The following FHIT variants were observed in gnomAD, a reference collection of about 807,000 sequenced individuals.
FHIT encodes bis(5'-adenosyl)-triphosphatase.
FHIT carries 19 observed loss-of-function variants against 17.9 expected under a neutral mutation model. The ratio of observed to expected loss-of-function variants is 1.06; its 90% CI spans 0.74 to 1.56. The LOEUF is 1.56. FHIT is among the 40% of genes most tolerant of loss of function. FHIT has a pLI of 0.00. For synonymous variants in FHIT, 81 were observed against 69.7 expected, an observed-to-expected ratio of 1.16 and a Z score of -0.81; for missense variants, 248 against 189.2, an observed-to-expected ratio of 1.31 and a Z score of -1.82.
chr3:59,896,897 T>C (rs1704096317), intron 8 of FHIT, among the ~76,000 whole-genome samples: 1 of 152,124 alleles, frequency 6.6e-6, no homozygotes, highest in East Asian at 1.9e-4. Context: ...CCACGTGATA[T>C]ATCTGAATGC....
intron 8 of FHIT, among the ~76,000 whole-genome samples, chr3:59,920,980 T>G (rs1464295625): frequency 2.0e-5 from 3 of 152,138 alleles, no homozygotes; most frequent in African/African-American, 7.2e-5. Flanking sequence ...TGCTGTGCAA[T>G]CTACTTGATC....
chr3:60,331,568 C>A (rs9809877), intron 5 of FHIT, among the ~76,000 whole-genome samples: 6,015 of 152,170 alleles, frequency 0.04, 396 homozygotes, highest in African/African-American at 0.14. Flanking sequence ...ATACTCGGTC[C>A]GGGTATGGTG....
intron 4 of FHIT, among the ~76,000 whole-genome samples, chr3:60,777,004 C>T (rs1394327506): frequency 7.2e-5 from 11 of 152,124 alleles, no homozygotes; most frequent in Admixed American, 6.6e-4. Flanking sequence ...AAAAGCATAA[C>T]GAGGTTTTCC....
chr3:60,378,603 C>A (rs1469928393), intron 5 of FHIT, among the ~76,000 whole-genome samples: 2 of 152,156 alleles, frequency 1.3e-5, no homozygotes, highest in Non-Finnish European at 2.9e-5. Flanking sequence ...AAGGAAGTAT[C>A]TTTCAAAAGT....
At chr3:60,367,278 G>C (rs1488613245) in intron 5 of FHIT, among the ~76,000 whole-genome samples, 2 of 152,160 alleles carry the variant, frequency 1.3e-5, no homozygotes, top group Non-Finnish European at 2.9e-5. Context: ...AATTATCCCA[G>C]GGTCTATTTC....
chr3:59,941,053 G>C (rs1706491174), intron 7 of FHIT, among the ~76,000 whole-genome samples: 1 of 152,130 alleles, frequency 6.6e-6, no homozygotes, highest in East Asian at 1.9e-4. Context: ...GCACCCAATA[G>C]GTATGTGTTA....
chr3:60,877,966 G>A (rs1553756894), intron 3 of FHIT, among the ~76,000 whole-genome samples: 1 of 152,034 alleles, frequency 6.6e-6, no homozygotes. Flanking sequence ...CCATTCCAAG[G>A]TCTAAATTTA....
chr3:59,756,656 G>A (rs889494607), intron 8 of FHIT, among the ~76,000 whole-genome samples: 32 of 152,154 alleles, frequency 2.1e-4, no homozygotes, highest in Non-Finnish European at 5.9e-5. Flanking sequence ...TTAAAAAGGT[G>A]TCACAGGAAG....
chr3:60,465,452 G>T (rs1222857877), intron 5 of FHIT, among the ~76,000 whole-genome samples: 1 of 152,036 alleles, frequency 6.6e-6, no homozygotes, highest in Non-Finnish European at 1.5e-5. Context: ...TATTACTCAA[G>T]AAATCTTTGC....
intron 8 of FHIT, among the ~76,000 whole-genome samples, chr3:59,852,785 T>A (rs1203957291): frequency 6.6e-6 from 1 of 152,176 alleles, no homozygotes; most frequent in Non-Finnish European, 1.5e-5. Context: ...GCATGCAGCC[T>A]CTTTAGGTAG....
intron 5 of FHIT, among the ~76,000 whole-genome samples, chr3:60,072,913 C>A (rs1465534656): frequency 6.6e-6 from 1 of 152,132 alleles, no homozygotes. Flanking sequence ...TTCTCTGGAC[C>A]CCACACCCAA....
intron 5 of FHIT, among the ~76,000 whole-genome samples, chr3:60,497,184 C>A (rs1242196338): frequency 1.3e-5 from 2 of 151,908 alleles, no homozygotes; most frequent in African/African-American, 4.9e-5. Context: ...GTGCACAGGA[C>A]AGCCCCCACA....
chr3:59,888,522 C>T (rs56414037), intron 8 of FHIT, among the ~76,000 whole-genome samples: 4,358 of 152,252 alleles, frequency 0.029, 81 homozygotes, highest in South Asian at 0.078. Context: ...ATATATTATT[C>T]ACTGGTATAT....
chr3:60,292,762 T>C (rs1025574809), intron 5 of FHIT, among the ~76,000 whole-genome samples: 5 of 152,138 alleles, frequency 3.3e-5, no homozygotes, highest in Non-Finnish European at 7.4e-5. Context: ...AAAAGCTTTC[T>C]ATGAAGAAAA....
chr3:59,848,474 G>A (rs1461995373), intron 8 of FHIT, among the ~76,000 whole-genome samples: 1 of 151,766 alleles, frequency 6.6e-6, no homozygotes, highest in Non-Finnish European at 1.5e-5. Flanking sequence ...AGCTCTTTGG[G>A]GATTTTTGAG....
chr3:60,183,943 G>GTT (rs1483520553), intron 5 of FHIT, among the ~76,000 whole-genome samples: 1 of 151,684 alleles, frequency 6.6e-6, no homozygotes, highest in Non-Finnish European at 1.5e-5. Flanking sequence ...TGATAGAGTT[G>GTT]TTACAATCAC....
At chr3:59,890,136 CT>C (rs1432229201) in intron 8 of FHIT, among the ~76,000 whole-genome samples, 1 of 152,206 alleles carries the variant, frequency 6.6e-6, no homozygotes, top group Non-Finnish European at 1.5e-5. Flanking sequence ...CCAGCCTGAT[CT>C]ATCAGTAATT....
At chr3:60,258,097 CACA>C (rs1706105097) in intron 5 of FHIT, among the ~76,000 whole-genome samples, 2 of 148,480 alleles carry the variant, frequency 1.3e-5, no homozygotes, top group Non-Finnish European at 3.0e-5. Flanking sequence ...CACACACACA[CACA>C]CCTCTGCAGA....
At chr3:60,581,076 C>T (rs2107679691) in intron 4 of FHIT, among the ~76,000 whole-genome samples, 1 of 152,118 alleles carries the variant, frequency 6.6e-6, no homozygotes, top group Middle Eastern at 3.4e-3. Context: ...AGGCAAAGTC[C>T]CTTGCAGCTC....
Sources: gnomAD v4.1 joint callset for allele counts (sites outside exome capture counted in the v4.1 genomes callset) on GRCh38, gnomAD v4.1.1 for gene constraint, MANE v1.5 for transcripts, NCBI Gene and HGNC (gene_info 2026-07-23, HGNC 2026-07-21) for gene names.